DST: variants seen among roughly 807,000 people sequenced by gnomAD.
The protein encoded by DST is bullous pemphigoid antigen.
In DST, 253 loss-of-function variants were observed where a neutral mutation model predicts 875.2. That is an observed-to-expected ratio of 0.29 (90% CI 0.26 to 0.32). DST has a LOEUF of 0.32. DST is among the 10% of genes least tolerant of loss of function. The probability of loss-of-function intolerance (pLI) is 1.00; values close to 1 mark genes in which losing one functional copy is unlikely to be tolerated. For missense variants in DST, 8,287 were observed against 9,111.6 expected (o/e 0.91, Z 3.68); for synonymous variants, 3,124 against 3,197.1 (o/e 0.98, Z 0.77).
intron 3 of DST, among the ~76,000 whole-genome samples, chr6:56,887,681 A>G (rs1785255644): frequency 6.6e-6 from 1 of 152,190 alleles, no homozygotes; most frequent in Non-Finnish European, 1.5e-5. Flanking sequence ...ATCACATACA[A>G]GAAAGACATA....
chr6:56,641,158 C>A (rs2098896327), intron 17 of DST, among the ~76,000 whole-genome samples: 1 of 146,470 alleles, frequency 6.8e-6, no homozygotes. Flanking sequence ...AGGTTATAGC[C>A]TGAAATATTC....
Position 56,607,261 on chromosome 6 carries a change from G to C in DST, c.7367C>G (p.Thr2456Ser), listed in dbSNP as rs768524179. Residue 2456 changes from threonine (T) to serine (S), a missense_variant, in exon 40 of 104, where the codon ACC becomes AGC. This residue lies in a region of DST where 3,138 missense variants were observed against 3,116.6 expected (regional missense o/e 1.01). Transcript: ENST00000680361. Reference protein sequence around the residue: ...HSQGSFNDTHTPESNGNKCEA... With the variant: ...HSQGSFNDTHSPESNGNKCEA... The stretch of plus-strand genomic sequence containing the variant: ...ACACTTATTTCCATTGCTCTCTGGG[G>C]TGTGTGTATCATTAAAACTTCCCTG... The C allele has an allele frequency of 6.2e-7, 1 of 1,613,448 alleles. No homozygotes were observed. The highest frequency in any genetic ancestry group is 1.1e-5 in the South Asian group (1 of 91,054).
At chr6:56,940,493 T>C (rs915304212) in intron 2 of DST, among the ~76,000 whole-genome samples, 15 of 152,086 alleles carry the variant, frequency 9.9e-5, no homozygotes, top group African/African-American at 3.6e-4. Flanking sequence ...GTTAATATTA[T>C]ATTTTTCAAA....
intron 4 of DST, among the ~76,000 whole-genome samples, chr6:56,818,556 A>G (rs897929103): frequency 1.3e-5 from 2 of 152,208 alleles, no homozygotes; most frequent in African/African-American, 4.8e-5. Flanking sequence ...CAATGATTTG[A>G]AGAGTGTGTC....
chr6:56,735,553 T>TCAGCACCACCACCAC (rs1481488913), intron 4 of DST, among the ~76,000 whole-genome samples: 1 of 114,944 alleles, frequency 8.7e-6, no homozygotes, highest in Non-Finnish European at 1.8e-5. Context: ...CCATAACCCC[T>TCAGCACCACCACCAC]CATCACCACC....
chr6:56,618,265 C>T, intron 36 of DST: 3 of 1,614,104 alleles, frequency 1.9e-6, no homozygotes, highest in Non-Finnish European at 2.5e-6. Context: ...GCTGCCACTT[C>T]TCTTCCAATG....
chr6:56,625,425 TAAAG>T (rs1376322183), intron 34 of DST, among the ~76,000 whole-genome samples, 161 bp from the exon 35 acceptor site: 1 of 152,120 alleles, frequency 6.6e-6, no homozygotes, highest in Admixed American at 6.6e-5. Flanking sequence ...TAAGTTTAAA[TAAAG>T]AAAATATAGT....
At chr6:56,484,441 T>C (rs1051760779) in intron 88 of DST, 3 of 152,080 alleles carry the variant, frequency 2.0e-5, no homozygotes, top group African/African-American at 7.2e-5. Context: ...GTAATAAGAC[T>C]TTTAAAAAGA....
chr6:56,844,304 G>A (rs895797145), intron 4 of DST, among the ~76,000 whole-genome samples: 1 of 152,188 alleles, frequency 6.6e-6, no homozygotes, highest in African/African-American at 2.4e-5. Context: ...CCGAGTACCA[G>A]CCTGCGGTCC....
In DST at chr6:56,508,759, T is replaced by G; in HGVS notation, c.19013-4A>C. On this transcript the variant is annotated splice_region_variant and splice_polypyrimidine_tract_variant and intron_variant, in intron 74 of 103. Transcript: ENST00000680361. ...TGGTCAAGCTTATCCTGAACAGCTA[T>G]GAAGCAAAACAATATCCACAAGGCG... 6.2e-7 allele frequency: 1 copy of G among 1,606,162 alleles called. No individual in the cohort carries two copies. Among genetic ancestry groups the G allele is most frequent in the Non-Finnish European group, 8.5e-7 (1 of 1,174,420 alleles).
intron 4 of DST, among the ~76,000 whole-genome samples, chr6:56,780,667 T>G (rs1399396572): frequency 1.3e-5 from 2 of 151,632 alleles, no homozygotes; most frequent in Non-Finnish European, 2.9e-5. Context: ...TTTCTCCCAT[T>G]TTGTAGGTTG....
Position 56,508,628 on chromosome 6 carries a change from T to C in DST, c.19140A>G (p.Ser6380=), listed in dbSNP as rs1364095871. The C allele has an allele frequency of 1.9e-6, 3 of 1,613,874 alleles. No individual in the cohort carries two copies. The highest frequency in any genetic ancestry group is 2.2e-5 in the East Asian group (1 of 44,870). ...GAGTATCTTTAATGGTAACTATCAA[T>C]GACATGTGATCACACCAGAACTTTT... ...LAEKFWCDHM[S]LIVTIKDTQD... Residue 6380 remains serine, a synonymous_variant, in exon 75 of 104, where the codon TCA becomes TCG. Transcript: ENST00000680361.
intron 4 of DST, among the ~76,000 whole-genome samples, chr6:56,850,260 G>A (rs1764395132): frequency 6.6e-6 from 1 of 152,124 alleles, no homozygotes; most frequent in African/African-American, 2.4e-5. Flanking sequence ...GGCTGGCTAG[G>A]CACTGTTTGT....
In DST at chr6:56,553,035, T is replaced by G. The variant is rs759340725; in HGVS notation, c.15757A>C (p.Lys5253Gln). Residue 5253 changes from lysine to glutamine, a missense_variant, in exon 61 of 104, where the codon AAG becomes CAG. Around this residue, in one of 10 missense-constraint regions of DST, gnomAD observed 1,513 missense variants for 1,677.8 expected, o/e 0.90. Coordinates refer to ENST00000680361, the MANE Select transcript of DST (RefSeq NM_001374736.1). The part of the protein sequence containing the change: ...VTDENKSLIQ[K>Q]VDMVTEQLHS... Reference sequence around the variant, plus strand: ...AGTTGTTCAGTGACCATGTCCACCTTCTGGATCAGTGACTTATTCTCATCT... The same window carrying G: ...AGTTGTTCAGTGACCATGTCCACCTGCTGGATCAGTGACTTATTCTCATCT... The G allele has an allele frequency of 6.2e-7, 1 of 1,613,934 alleles. No homozygotes were observed. Among genetic ancestry groups the G allele is most frequent in the South Asian group, 1.1e-5 (1 of 91,076 alleles).
intron 2 of DST, among the ~76,000 whole-genome samples, chr6:56,923,835 T>G (rs980012932): frequency 2.0e-5 from 3 of 152,190 alleles, no homozygotes; most frequent in African/African-American, 7.2e-5. Flanking sequence ...AAAAACACCT[T>G]CCCTATGGCC....
chr6:56,863,036 A>G (rs1772097517), intron 3 of DST: 1 of 152,262 alleles, frequency 6.6e-6, no homozygotes, highest in Admixed American at 6.5e-5. Context: ...CTAGACACCA[A>G]CTTCCAAGAG....
intron 9 of DST, among the ~76,000 whole-genome samples, chr6:56,676,035 C>T (rs2099127718): frequency 6.6e-6 from 1 of 152,028 alleles, no homozygotes. Context: ...GTTAGAATGG[C>T]TAGTCTCAAA....
intron 2 of DST, among the ~76,000 whole-genome samples, chr6:56,906,229 T>C (rs1370880739): frequency 6.6e-6 from 1 of 152,204 alleles, no homozygotes; most frequent in Non-Finnish European, 1.5e-5. Context: ...CTCCATAGCC[T>C]TCTGATACCA....
intron 4 of DST, among the ~76,000 whole-genome samples, chr6:56,803,651 C>G (rs1400214724): frequency 6.6e-6 from 1 of 152,192 alleles, no homozygotes; most frequent in African/African-American, 2.4e-5. Flanking sequence ...ATCTTACAGG[C>G]AGACCAGGCT....
Sources: allele counts gnomAD v4.1 joint callset (sites outside exome capture counted in the v4.1 genomes callset), GRCh38; gene constraint gnomAD v4.1.1; regional missense constraint gnomAD v4.1.1; transcripts MANE v1.5; gene names NCBI Gene and HGNC (gene_info 2026-07-23, HGNC 2026-07-21).